CS: variants seen among roughly 807,000 people sequenced by gnomAD.
The protein encoded by CS is citrate synthase, mitochondrial.
A neutral mutation model predicts 61.4 loss-of-function variants in CS; 13 were observed. The ratio of observed to expected loss-of-function variants is 0.21; its 90% confidence interval spans 0.14 to 0.34. The LOEUF is 0.34. CS is among the 10% of genes least tolerant of loss of function. CS has a pLI of 1.00. For synonymous variants in CS, 159 were observed against 215.2 expected, an observed-to-expected ratio of 0.74 and a Z score of 2.29; for missense variants, 278 against 573.4, an observed-to-expected ratio of 0.48 and a Z score of 5.26.
chr12:56,288,629 A>G (rs777728632), intron 1 of CS, among the ~76,000 whole-genome samples: 5 of 151,498 alleles, frequency 3.3e-5, no homozygotes, highest in Admixed American at 2.6e-4. Context: ...TAGTTCCCCT[A>G]TTTCTGTTGG....
chr12:56,295,951 C>CAAAAAAAAAAAAAA (rs71081343), intron 1 of CS, among the ~76,000 whole-genome samples: 11 of 40,506 alleles, frequency 2.7e-4, no homozygotes, highest in Non-Finnish European at 3.8e-4. Flanking sequence ...GAAACTGTCT[C>CAAAAAAAAAAAAAA]AAAAAAAAAA....
Position 56,276,203 on chromosome 12 carries a change from A to G in CS, c.589-8T>C. ...AGAGTCTTCATAAATCAACTGACAG[A>G]AGAGGAGCAAGATGGAGAAAAAAAA... On this transcript the variant is annotated splice_polypyrimidine_tract_variant and splice_region_variant and intron_variant, in intron 6 of 10. Transcript: ENST00000351328. 1 of 1,613,672 alleles carries G rather than the reference A, an allele frequency of 6.2e-7. No homozygotes were observed. The highest frequency in any genetic ancestry group is 8.5e-7 in the Non-Finnish European group (1 of 1,179,576).
intron 9 of CS, chr12:56,274,056 G>A (rs201041042): frequency 3.3e-5 from 15 of 460,998 alleles, no homozygotes; most frequent in South Asian, 4.4e-5. Flanking sequence ...GCTCATGCCT[G>A]TAATCCCAGC....
Position 56,282,870 on chromosome 12 carries a change from G to T in CS, c.389C>A (p.Thr130Lys). 1 of 1,614,206 alleles carries T rather than the reference G, an allele frequency of 6.2e-7. No homozygotes were observed. The highest frequency in any genetic ancestry group is 8.5e-7 in the Non-Finnish European group (1 of 1,180,046). The change falls in exon 5 of 11, where the codon ACA becomes AAA. Residue 130 changes from threonine (T) to lysine (K), a missense_variant. Physicochemically the swap from Thr to Lys is moderately conservative, Grantham distance 78. Coordinates refer to ENST00000351328, the MANE Select transcript of CS (RefSeq NM_004077.3). ...ATCCTTCTGCTTTACCTGTTCCTCT[G>T]TTGGGATATGTCCAGTTACCAGCAG... ...FWLLVTGHIP[T>K]EEQVSWLSKE... is the part of the protein sequence containing the mutation.
chr12:56,273,336 G>T, intron 10 of CS, 82 bp from the exon 11 acceptor site: 2 of 1,428,498 alleles, frequency 1.4e-6, no homozygotes, highest in African/African-American at 1.4e-5. Context: ...AACCTTAAAA[G>T]CTAAATTTTC....
At chr12:56,300,127 T>C (rs1873443150) in intron 1 of CS, 33 bp downstream of exon 1, 1 of 1,550,278 alleles carries the variant, frequency 6.5e-7, no homozygotes, top group Non-Finnish European at 8.7e-7. Context: ...AGCCCCACCC[T>C]GGGACGGCGT....
chr12:56,279,548 C>T (rs180843100), intron 6 of CS, among the ~76,000 whole-genome samples: 509 of 151,788 alleles, frequency 3.4e-3, no homozygotes, highest in African/African-American at 0.012. Flanking sequence ...GGGTGGATCA[C>T]GAGGTCAGGA....
chr12:56,279,312 C>T (rs958699753), intron 6 of CS, among the ~76,000 whole-genome samples: 10 of 152,110 alleles, frequency 6.6e-5, no homozygotes, highest in African/African-American at 2.4e-4. Flanking sequence ...AGAAGATCAT[C>T]CTCTTAAGGT....
chr12:56,280,440 A>AAAAC (rs1555162654), intron 6 of CS, among the ~76,000 whole-genome samples: 6 of 119,842 alleles, frequency 5.0e-5, no homozygotes, highest in East Asian at 2.5e-4. Flanking sequence ...AAAAAAAACA[A>AAAAC]AAAAATTAGC....
rs151185868 is a variant in CS, at chr12:56,272,805, G to T, written c.*279C>A. 1.8e-3 allele frequency: 454 copies of T among 255,176 alleles called. 7 individuals are homozygous for T. In the East Asian group the frequency reaches 0.033, roughly 19 times the overall value. The allele number at this position is 255,176 out of a possible 1,614,324, so 15.8% of individuals were successfully genotyped here. On this transcript the variant is annotated 3_prime_UTR_variant, in exon 11 of 11. Coordinates refer to ENST00000351328, the MANE Select transcript of CS (RefSeq NM_004077.3). Reference sequence around the variant, plus strand: ...GATTCTCACTCTAGAGATAGTGAGGGGGCCAAACCTACTCATACCACATGC... The same window carrying T: ...GATTCTCACTCTAGAGATAGTGAGGTGGCCAAACCTACTCATACCACATGC...
At chr12:56,282,729 G>T in intron 5 of CS, 121 bp from the exon 6 acceptor site, 1 of 1,527,850 alleles carries the variant, frequency 6.5e-7, no homozygotes, top group Non-Finnish European at 8.9e-7. Context: ...CATTTATACA[G>T]CAGAACTCTG....
chr12:56,273,030 TTTTTA>T lies in CS; in HGVS notation c.*49_*53del, dbSNP rs1872551088. ...AAGGCCCCCTGAAACAAAAGTATAC[TTTTTA>T]TTTAGGCTTCCTCACTTTCTGGTAG... On this transcript the variant is annotated 3_prime_UTR_variant, in exon 11 of 11. Coordinates refer to ENST00000351328, the MANE Select transcript of CS (RefSeq NM_004077.3). 2.1e-6 allele frequency: 3 copies of T among 1,448,816 alleles called. No homozygotes were observed. Among genetic ancestry groups the T allele is most frequent in the Non-Finnish European group, 2.8e-6 (3 of 1,066,770 alleles). 89.7% of individuals were successfully genotyped at this position (1,448,816 alleles called of 1,614,324 possible).
chr12:56,283,012 A>C (rs1872821095), intron 4 of CS, 21 bp from the exon 5 acceptor site: 1 of 1,613,352 alleles, frequency 6.2e-7, no homozygotes, highest in Non-Finnish European at 8.5e-7. Flanking sequence ...GAGAGAGAGA[A>C]TTACAACTCA....
At chr12:56,275,221 C>T in intron 7 of CS, 90 bp from the exon 8 acceptor site, 1 of 1,509,764 alleles carries the variant, frequency 6.6e-7, no homozygotes, top group Non-Finnish European at 9.1e-7. Context: ...ACTTACTAGC[C>T]TAGTTATGGG....
At chr12:56,296,130 T>C (rs1035845274) in intron 1 of CS, among the ~76,000 whole-genome samples, 6 of 151,916 alleles carry the variant, frequency 3.9e-5, no homozygotes, top group Non-Finnish European at 8.8e-5. Flanking sequence ...ATGCCCACTG[T>C]GAGTTTACAG....
chr12:56,286,140 G>A (rs1565621994), intron 2 of CS, 117 bp from the exon 3 acceptor site: 1 of 747,598 alleles, frequency 1.3e-6, no homozygotes, highest in Non-Finnish European at 2.3e-6. Flanking sequence ...AGGGAAGTCT[G>A]GTCAACTACT....
At chr12:56,287,074 G>T (rs1349217475) in intron 1 of CS, among the ~76,000 whole-genome samples, 1 of 152,126 alleles carries the variant, frequency 6.6e-6, no homozygotes, top group Non-Finnish European at 1.5e-5. Context: ...CTTTCATAAC[G>T]GTACTTCTGA....
In CS at chr12:56,294,792, C is replaced by T. The variant is rs527927540; in HGVS notation, c.42+5368G>A. On this transcript the variant is annotated intron_variant, in intron 1 of 10. Coordinates refer to ENST00000351328, the MANE Select transcript of CS (RefSeq NM_004077.3). ...AACACTTACTGTTCTTTTGTTGAGA[C>T]GAGTCTCACTCTATTGCCCAGGCTG... Among the ~76,000 whole-genome samples, 6 of 150,050 alleles carry T rather than the reference C, an allele frequency of 4.0e-5. No individual in the cohort carries two copies. In the South Asian group the frequency reaches 6.4e-4, roughly 16 times the overall value.
At position 56,282,479 on chromosome 12, in the gene CS, T is replaced by G. The variant is rs772112453; in HGVS notation, c.529A>C (p.Ser177Arg). The G allele has an allele frequency of 2.5e-6, 4 of 1,613,616 alleles. No individual in the cohort carries two copies. Among genetic ancestry groups the G allele is most frequent in the Non-Finnish European group, 3.4e-6 (4 of 1,179,856 alleles). ...QLSAAVTALN[S>R]ESNFARAYAQ... is the part of the protein sequence containing the mutation. ...TATGCTCGGGCAAAGTTACTTTCAC[T>G]GTTGAGGGCTGTAACAGCTGCACTG... The change falls in exon 6 of 11, where the codon AGT becomes CGT. Residue 177 changes from serine (S) to arginine (R), a missense_variant. Physicochemically the swap from Ser to Arg is moderately radical, Grantham distance 110. Around this residue, in one of 2 missense-constraint regions of CS, gnomAD observed 223 missense variants for 503.5 expected, o/e 0.44. Transcript: ENST00000351328.
Sources: allele counts gnomAD v4.1 joint callset (sites outside exome capture counted in the v4.1 genomes callset), GRCh38; gene constraint gnomAD v4.1.1; regional missense constraint gnomAD v4.1.1; transcripts MANE v1.5; gene names NCBI Gene and HGNC (gene_info 2026-07-23, HGNC 2026-07-21).